COL14A1: variants seen among roughly 807,000 people sequenced by gnomAD.
The protein encoded by COL14A1 is collagen alpha-1(XIV) chain.
In COL14A1, 136 loss-of-function variants were observed where a neutral mutation model predicts 230.3. The observed-to-expected ratio is 0.59, with a 90% CI of 0.51 to 0.68. The LOEUF (loss-of-function observed/expected upper bound fraction) is 0.68, where lower values mean the gene tolerates loss of function less well. Ranked by LOEUF, COL14A1 falls within the 30% of genes least tolerant of loss-of-function variation. The probability of loss-of-function intolerance (pLI) is 0.00; values close to 1 mark genes in which losing one functional copy is unlikely to be tolerated. For synonymous variants in COL14A1, 792 were observed against 784.1 expected (o/e 1.01, Z -0.17); for missense variants, 1,976 against 2,215.8 (o/e 0.89, Z 2.17).
At chr8:120,279,898 T>G in intron 28 of COL14A1, 37 bp from the exon 29 acceptor site, 1 of 1,605,330 alleles carries the variant, frequency 6.2e-7, no homozygotes, top group Non-Finnish European at 8.5e-7. Flanking sequence ...TTTGTACAAT[T>G]TAAAGTAATC....
chr8:120,242,341 T>C (rs951787257), intron 19 of COL14A1, among the ~76,000 whole-genome samples: 2 of 152,240 alleles, frequency 1.3e-5, no homozygotes, highest in Admixed American at 1.3e-4. Context: ...CCTGGCAAGC[T>C]AATGAGTCTT....
intron 21 of COL14A1, among the ~76,000 whole-genome samples, chr8:120,248,986 C>A (rs1247567222): frequency 8.2e-6 from 1 of 121,430 alleles, no homozygotes; most frequent in Non-Finnish European, 1.6e-5. Context: ...AGTACAGTGG[C>A]GCAGCCTCGG....
intron 1 of COL14A1, among the ~76,000 whole-genome samples, chr8:120,141,495 T>C (rs536184567): frequency 6.6e-6 from 1 of 152,040 alleles, no homozygotes; most frequent in Admixed American, 6.6e-5. Flanking sequence ...TTGTGAGCCA[T>C]AATTTCACCA....
At chr8:120,296,321 G>T (rs1357499520) in intron 34 of COL14A1, among the ~76,000 whole-genome samples, 2 of 151,950 alleles carry the variant, frequency 1.3e-5, no homozygotes, top group East Asian at 3.9e-4. Flanking sequence ...ATGAATGTTT[G>T]CAATAAGGCA....
intron 34 of COL14A1, among the ~76,000 whole-genome samples, chr8:120,297,113 G>A (rs1262126098): frequency 6.6e-6 from 1 of 151,962 alleles, no homozygotes; most frequent in Non-Finnish European, 1.5e-5. Context: ...CTAAAGATGA[G>A]TTTGGTAATG....
At chr8:120,282,136 A>G (rs1490417178) in intron 31 of COL14A1, among the ~76,000 whole-genome samples, 1 of 152,206 alleles carries the variant, frequency 6.6e-6, no homozygotes, top group African/African-American at 2.4e-5. Context: ...CATATACACC[A>G]TGGAATACTA....
At chr8:120,140,444 T>A (rs1814864845) in intron 1 of COL14A1, among the ~76,000 whole-genome samples, 1 of 152,206 alleles carries the variant, frequency 6.6e-6, no homozygotes, top group Non-Finnish European at 1.5e-5. Flanking sequence ...AGTAGGACTC[T>A]TAATAAATGA....
intron 42 of COL14A1, 121 bp downstream of exon 42, chr8:120,332,856 A>C: frequency 2.9e-6 from 2 of 698,436 alleles, no homozygotes. Flanking sequence ...CTCTATGGAA[A>C]TTCATAAAGG....
chr8:120,266,925 A>T (rs117037137), intron 25 of COL14A1, 42 bp downstream of exon 25: 2 of 1,538,238 alleles, frequency 1.3e-6, no homozygotes, highest in Admixed American at 1.7e-5. Context: ...TAGGTTTAGG[A>T]TTTGTGTTGG....
chr8:120,327,008 A>G (rs376337292), intron 40 of COL14A1, among the ~76,000 whole-genome samples: 16 of 152,332 alleles, frequency 1.1e-4, no homozygotes, highest in South Asian at 4.1e-4. Flanking sequence ...CCTGAGCGAC[A>G]GAGTGAGTGA....
intron 23 of COL14A1, among the ~76,000 whole-genome samples, chr8:120,259,363 C>G (rs533360119): frequency 6.6e-6 from 1 of 152,148 alleles, no homozygotes; most frequent in East Asian, 1.9e-4. Flanking sequence ...GTGTTGCTTC[C>G]TAAGAATGAG....
intron 45 of COL14A1, among the ~76,000 whole-genome samples, chr8:120,357,099 T>C (rs573018838): frequency 6.6e-6 from 1 of 152,364 alleles, no homozygotes; most frequent in South Asian, 2.1e-4. Context: ...CTTTAAAACT[T>C]AGTGGCTTAA....
At position 120,266,895 on chromosome 8, in the gene COL14A1, A is replaced by T; in HGVS notation, c.3073+12A>T. Reference sequence around the variant, plus strand: ...ACCAGCAAAAGAAGGTAAAAGAATAATAGAATAATTATCTGATTCTAGGTT... The same window carrying T: ...ACCAGCAAAAGAAGGTAAAAGAATATTAGAATAATTATCTGATTCTAGGTT... On this transcript the variant is annotated intron_variant, in intron 25 of 47. Transcript: ENST00000297848. 1 of 1,603,088 alleles carries T rather than the reference A, an allele frequency of 6.2e-7. No individual in the cohort carries two copies. The highest frequency in any genetic ancestry group is 8.5e-7 in the Non-Finnish European group (1 of 1,170,438).
chr8:120,143,463 T>A (rs1342875382), intron 1 of COL14A1, among the ~76,000 whole-genome samples: 1 of 151,720 alleles, frequency 6.6e-6, no homozygotes, highest in Non-Finnish European at 1.5e-5. Context: ...CTAAAAAAAA[T>A]ATAATACAAA....
At chr8:120,327,543 T>A (rs1463008715) in intron 40 of COL14A1, among the ~76,000 whole-genome samples, 1 of 152,160 alleles carries the variant, frequency 6.6e-6, no homozygotes, top group African/African-American at 2.4e-5. Flanking sequence ...GATCCTAACC[T>A]TAAGCTTTTA....
At chr8:120,366,716 C>CA (rs1250733568) in intron 45 of COL14A1, among the ~76,000 whole-genome samples, 13 of 152,314 alleles carry the variant, frequency 8.5e-5, no homozygotes, top group Non-Finnish European at 1.5e-5. Context: ...AATGGAAACT[C>CA]ACGCTCTTCA....
intron 23 of COL14A1, among the ~76,000 whole-genome samples, 179 bp downstream of exon 23, chr8:120,255,535 C>T (rs907135965): frequency 1.3e-5 from 2 of 152,116 alleles, no homozygotes; most frequent in African/African-American, 2.4e-5. Flanking sequence ...AATTACTAAC[C>T]CTCTGGAAAC....
At chr8:120,228,381 T>C (rs1818160180) in intron 17 of COL14A1, among the ~76,000 whole-genome samples, 1 of 152,226 alleles carries the variant, frequency 6.6e-6, no homozygotes, top group South Asian at 2.1e-4. Context: ...TACAGCACTG[T>C]CTAATTTCCC....
chr8:120,330,395 T>C (rs1483735849), intron 40 of COL14A1, among the ~76,000 whole-genome samples: 1 of 152,164 alleles, frequency 6.6e-6, no homozygotes, highest in African/African-American at 2.4e-5. Flanking sequence ...AGAGGTTTAA[T>C]TGGCTTACAG....
Sources: allele counts gnomAD v4.1 joint callset (sites outside exome capture counted in the v4.1 genomes callset), GRCh38; gene constraint gnomAD v4.1.1; transcripts MANE v1.5; gene names NCBI Gene and HGNC (gene_info 2026-07-23, HGNC 2026-07-21).